BTBD1: variants seen among roughly 807,000 people sequenced by gnomAD.
BTBD1 encodes BTB/POZ domain-containing protein 1.
A neutral mutation model predicts 48.0 loss-of-function variants in BTBD1; 34 were observed. The ratio of observed to expected loss-of-function variants is 0.71; its 90% CI spans 0.54 to 0.94. The LOEUF (loss-of-function observed/expected upper bound fraction) is 0.94. BTBD1 is among the 40% of genes least tolerant of loss of function. The pLI is 0.00. For synonymous variants in BTBD1, 261 were observed against 242.1 expected (o/e 1.08, Z -0.72); for missense variants, 543 against 625.6 (o/e 0.87, Z 1.41).
At chr15:83,056,666 TCCACCCACCCAC>T (rs1007607542) in intron 1 of BTBD1, 121 bp from the exon 2 acceptor site, 2 of 777,474 alleles carry the variant, frequency 2.6e-6, no homozygotes, top group Admixed American at 2.8e-5. Flanking sequence ...CATCCATCCA[TCCACCCACCCAC>T]CCACCCACCC....
chr15:83,038,597 C>A (rs1380943696), intron 4 of BTBD1, among the ~76,000 whole-genome samples: 1 of 152,100 alleles, frequency 6.6e-6, no homozygotes, highest in African/African-American at 2.4e-5. Context: ...CAAAGCAATC[C>A]TAAGCAGAAA....
chr15:83,046,450 C>G lies in BTBD1; in HGVS notation c.664+3623G>C, dbSNP rs1210091650. ...TTGTTTCATAAATATTAACACAATACTGAGTTTTCAAATAAACAACTGTGA... is the reference window on the plus strand; with the variant it reads ...TTGTTTCATAAATATTAACACAATAGTGAGTTTTCAAATAAACAACTGTGA... On this transcript the variant is annotated intron_variant, in intron 3 of 7. Coordinates refer to ENST00000261721, the MANE Select transcript of BTBD1 (RefSeq NM_025238.4). Among the ~76,000 whole-genome samples, 6 of 152,236 alleles carry G rather than the reference C, an allele frequency of 3.9e-5. No homozygotes were observed. In the South Asian group the frequency reaches 8.3e-4, roughly 21 times the overall value.
Position 83,017,989 on chromosome 15 carries a change from C to A in BTBD1, c.*78G>T. 1.0e-6 allele frequency: 1 copy of A among 957,026 alleles called. No homozygotes were observed. The highest frequency in any genetic ancestry group is 1.5e-6 in the Non-Finnish European group (1 of 668,558). The allele number at this position is 957,026 out of a possible 1,614,324, so 59.3% of individuals were successfully genotyped here. A position where few individuals can be genotyped will look rare whatever the true frequency, so the allele number is the denominator to read the frequency against. ...ATTTTAAATATTCATAACACTCAAA[C>A]TACTTTTTTGTGGCCATTTATGTTT... On this transcript the variant is annotated 3_prime_UTR_variant, in exon 8 of 8. Transcript: ENST00000261721.
At chr15:83,040,008 C>CACACACACACAT (rs2032716587) in intron 4 of BTBD1, among the ~76,000 whole-genome samples, 1 of 150,280 alleles carries the variant, frequency 6.7e-6, no homozygotes, top group African/African-American at 2.5e-5. Flanking sequence ...CACACACACA[C>CACACACACACAT]ACACACACGG....
chr15:83,040,118 G>A (rs1007713095), intron 4 of BTBD1, among the ~76,000 whole-genome samples: 3 of 152,094 alleles, frequency 2.0e-5, no homozygotes, highest in African/African-American at 7.2e-5. Context: ...TCTTAAGTGA[G>A]TTAATGCAGA....
At position 83,018,810 on chromosome 15, in the gene BTBD1, G is replaced by GT; in HGVS notation, c.1186dup (p.Thr396AsnfsTer4). 7 of 1,613,980 alleles carry GT rather than the reference G, an allele frequency of 4.3e-6. No homozygotes were observed. The highest frequency in any genetic ancestry group is 5.9e-6 in the Non-Finnish European group (7 of 1,179,864). On this transcript the variant is annotated frameshift_variant, in exon 7 of 8. Coordinates refer to ENST00000261721, the MANE Select transcript of BTBD1 (RefSeq NM_025238.4). LOFTEE classifies it high-confidence loss of function. ...AGCTGTCCCATCACAACTAAAGCCG[G>GT]TATCATTCTGTCCCAGGGTTTGCTT...
At chr15:83,027,210 G>C (rs2032426964) in intron 5 of BTBD1, among the ~76,000 whole-genome samples, 1 of 152,134 alleles carries the variant, frequency 6.6e-6, no homozygotes, top group Non-Finnish European at 1.5e-5. Flanking sequence ...AAATTAGCCA[G>C]GTGTGGTGGC....
Position 83,066,873 on chromosome 15 carries a change from G to A in BTBD1, c.279C>T (p.His93=). The change falls in exon 1 of 8, where the codon CAC becomes CAT. Residue 93 remains histidine, a synonymous_variant. Transcript: ENST00000261721. The part of the protein sequence containing the change: ...AAGGPQRIPA[H]RFVLAAGSAV... ...CGCTGCCGGCCGCCAGCACGAAGCG[G>A]TGGGCGGGGATGCGCTGCGGGCCCC... 6.7e-7 allele frequency: 1 copy of A among 1,485,236 alleles called. No individual in the cohort carries two copies. The allele number at this position is 1,485,236 out of a possible 1,614,324, so 92.0% of individuals were successfully genotyped here.
At chr15:83,021,707 AC>A (rs1448829191) in intron 5 of BTBD1, among the ~76,000 whole-genome samples, 2 of 149,914 alleles carry the variant, frequency 1.3e-5, no homozygotes, top group Non-Finnish European at 3.0e-5. Flanking sequence ...GTGACCCGGC[AC>A]TCCATCCTGG....
intron 2 of BTBD1, among the ~76,000 whole-genome samples, chr15:83,052,985 A>T (rs2033020909): frequency 1.3e-5 from 2 of 151,928 alleles, no homozygotes; most frequent in African/African-American, 2.4e-5. Flanking sequence ...GTTGGTGTTC[A>T]TATAAAAATT....
chr15:83,038,243 A>G (rs2032669924), intron 4 of BTBD1, among the ~76,000 whole-genome samples: 1 of 152,168 alleles, frequency 6.6e-6, no homozygotes, highest in Non-Finnish European at 1.5e-5. Context: ...CCCATTTACC[A>G]TGTCCACACA....
chr15:83,018,016 T>C lies in BTBD1; in HGVS notation c.*51A>G, dbSNP rs772989747. ...ACTTTTTTGTGGCCATTTATGTTTT[T>C]GACACTAGATTGTATGGTATTATTT... On this transcript the variant is annotated 3_prime_UTR_variant, in exon 8 of 8. Transcript: ENST00000261721. 3.9e-6 allele frequency: 5 copies of C among 1,266,276 alleles called. No homozygotes were observed. The highest frequency in any genetic ancestry group is 4.2e-6 in the Non-Finnish European group (4 of 941,662). The allele number at this position is 1,266,276 out of a possible 1,614,324, so 78.4% of individuals were successfully genotyped here.
At chr15:83,023,007 C>A (rs1220817412) in intron 5 of BTBD1, among the ~76,000 whole-genome samples, 1 of 152,008 alleles carries the variant, frequency 6.6e-6, no homozygotes, top group African/African-American at 2.4e-5. Context: ...ACAGAAAATG[C>A]AGCTAAATAA....
chr15:83,039,196 A>C (rs754902228), intron 4 of BTBD1, among the ~76,000 whole-genome samples: 7 of 152,024 alleles, frequency 4.6e-5, no homozygotes, highest in Non-Finnish European at 5.9e-5. Flanking sequence ...GAAAAAAAAA[A>C]CTCATAAAAA....
At chr15:83,055,133 T>C (rs2033061243) in intron 2 of BTBD1, among the ~76,000 whole-genome samples, 1 of 152,226 alleles carries the variant, frequency 6.6e-6, no homozygotes, top group Admixed American at 6.5e-5. Context: ...ACTGTTGATA[T>C]ACAAAGTATA....
chr15:83,019,423 T>A (rs994550515), intron 6 of BTBD1, among the ~76,000 whole-genome samples: 2 of 151,380 alleles, frequency 1.3e-5, no homozygotes, highest in Non-Finnish European at 2.9e-5. Flanking sequence ...ACTCCTGGGC[T>A]CAAGCAATCC....
intron 1 of BTBD1, among the ~76,000 whole-genome samples, chr15:83,066,310 G>C (rs1048743492): frequency 6.6e-6 from 1 of 151,892 alleles, no homozygotes; most frequent in African/African-American, 2.4e-5. Flanking sequence ...AAAAAAAGCG[G>C]GGGGAAGGGG....
At chr15:83,042,900 G>A (rs1224686591) in intron 3 of BTBD1, among the ~76,000 whole-genome samples, 2 of 152,188 alleles carry the variant, frequency 1.3e-5, no homozygotes, top group Non-Finnish European at 2.9e-5. Context: ...AGCAATTTAA[G>A]AGGCTGAGAC....
chr15:83,066,706 C>A, intron 1 of BTBD1, 45 bp downstream of exon 1: 1 of 1,123,806 alleles, frequency 8.9e-7, no homozygotes, highest in South Asian at 2.8e-5. Flanking sequence ...CAGCCCGGCC[C>A]GGCCCGGCCC....
Sources: gnomAD v4.1 joint callset for allele counts (sites outside exome capture counted in the v4.1 genomes callset) on GRCh38, gnomAD v4.1.1 for gene constraint, MANE v1.5 for transcripts, NCBI Gene and HGNC (gene_info 2026-07-23, HGNC 2026-07-21) for gene names.